The following CNBD1 variants were observed in gnomAD, a reference collection of about 807,000 sequenced individuals.
CNBD1 encodes the protein cyclic nucleotide binding domain containing 1.
Under a neutral mutation model 54.4 loss-of-function variants are expected in CNBD1, and 71 were observed. The observed-to-expected ratio is 1.30, with a 90% CI of 1.08 to 1.59. The LOEUF (loss-of-function observed/expected upper bound fraction) is 1.59, where lower values mean the gene tolerates loss of function less well. Ranked by LOEUF, CNBD1 falls within the 40% of genes most tolerant of loss-of-function variation. CNBD1 has a pLI of 0.00. For missense variants in CNBD1, 659 were observed against 518.0 expected (o/e 1.27, Z -2.64); for synonymous variants, 182 against 170.7 (o/e 1.07, Z -0.51).
intron 8 of CNBD1, among the ~76,000 whole-genome samples, chr8:87,337,352 G>A (rs988091419): frequency 6.6e-6 from 1 of 152,142 alleles, no homozygotes; most frequent in Non-Finnish European, 1.5e-5. Flanking sequence ...CCTCCAACTA[G>A]GTCCTCAGAC....
At chr8:87,315,726 G>A (rs1242279527) in intron 8 of CNBD1, among the ~76,000 whole-genome samples, 1 of 151,966 alleles carries the variant, frequency 6.6e-6, no homozygotes, top group Non-Finnish European at 1.5e-5. Context: ...ATAGCAGCTG[G>A]GAATGTAGGT....
chr8:87,282,149 A>T (rs936446051), intron 6 of CNBD1, among the ~76,000 whole-genome samples: 2 of 151,606 alleles, frequency 1.3e-5, no homozygotes, highest in African/African-American at 4.8e-5. Flanking sequence ...TATATAATTA[A>T]ATTTGTAATT....
chr8:87,377,376 C>G (rs1810971073), intron 10 of CNBD1, among the ~76,000 whole-genome samples: 1 of 149,290 alleles, frequency 6.7e-6, no homozygotes, highest in African/African-American at 2.5e-5. Flanking sequence ...TTGTTCAATT[C>G]CCACCTATGA....
rs1184406198 is a variant in CNBD1 at position 87,182,945 on chromosome 8, C to T, written c.432-23048C>T. On this transcript the variant is annotated intron_variant, in intron 4 of 10. Transcript: ENST00000518476. The surrounding 1 kb of genome is among the most constrained non-coding windows in gnomAD (Gnocchi z 4.1). ...ATGTATTTTTGTTTTGTTACAATTGCTTTTGGAGACTTTGACATGAAATTT... is the reference window on the plus strand; with the variant it reads ...ATGTATTTTTGTTTTGTTACAATTGTTTTTGGAGACTTTGACATGAAATTT... 1.3e-5 allele frequency among the ~76,000 whole-genome samples: 2 copies of T among 152,010 alleles called. No individual in the cohort carries two copies. Among genetic ancestry groups the T allele is most frequent in the Non-Finnish European group, 2.9e-5 (2 of 67,990 alleles).
At chr8:87,351,615 T>C (rs1810295989) in intron 8 of CNBD1, 70 bp from the exon 9 acceptor site, 1 of 1,344,372 alleles carries the variant, frequency 7.4e-7, no homozygotes, top group Non-Finnish European at 9.8e-7. Context: ...TTAACTTTTG[T>C]TGCTAAAATA....
intron 2 of CNBD1, among the ~76,000 whole-genome samples, chr8:87,397,177 C>A (rs2130974289): frequency 6.6e-6 from 1 of 151,774 alleles, no homozygotes; most frequent in African/African-American, 2.4e-5. Flanking sequence ...TTGGGTTATT[C>A]TTATGCCCTA....
At chr8:86,923,538 T>C (rs766825449) in intron 3 of CNBD1, among the ~76,000 whole-genome samples, 5 of 152,156 alleles carry the variant, frequency 3.3e-5, no homozygotes, top group Admixed American at 6.6e-5. Flanking sequence ...GACCCAGCTT[T>C]GGGAAATCAG....
intron 2 of CNBD1, among the ~76,000 whole-genome samples, chr8:87,391,274 A>G (rs1485006954): frequency 6.6e-6 from 1 of 152,002 alleles, no homozygotes; most frequent in African/African-American, 2.4e-5. Flanking sequence ...AAAAAAGATA[A>G]CGATTGCAGA....
At chr8:87,328,490 T>C (rs1809741697) in intron 8 of CNBD1, among the ~76,000 whole-genome samples, 1 of 152,018 alleles carries the variant, frequency 6.6e-6, no homozygotes, top group African/African-American at 2.4e-5. Context: ...TTTGTGCTAG[T>C]AACATACTGC....
rs1376398159 is a variant in CNBD1, at chr8:87,053,222, T to TTGA, written c.431+113469_431+113471dup. On this transcript the variant is annotated intron_variant, in intron 4 of 10. Transcript: ENST00000518476. The stretch of plus-strand genomic sequence containing the variant: ...AAAGAAAGCCAGTACATAGGGAACT[T>TTGA]TGAATCATTTGCCCTCCTGTCTGCA... Among the ~76,000 whole-genome samples, 6 of 152,302 alleles carry TTGA rather than the reference T, an allele frequency of 3.9e-5. No homozygotes were observed. The South Asian group carries it at 1.2e-3, about 32-fold the overall frequency.
rs375629040 is a variant in CNBD1 at position 86,977,449 on chromosome 8, CTGAT to C, written c.431+37697_431+37700del. Among the ~76,000 whole-genome samples the C allele has an allele frequency of 3.5e-3, 533 of 152,070 alleles. 2 individuals carry two copies. The highest frequency in any genetic ancestry group is 0.012 in the African/African-American group (515 of 41,532). Reference sequence around the variant, plus strand: ...TTCCAGTGATCTATCTTTGAGTTGACTGATTATTTCTTCTGCAACTGACAAACAT... The same window carrying C: ...TTCCAGTGATCTATCTTTGAGTTGACTATTTCTTCTGCAACTGACAAACAT... On this transcript the variant is annotated intron_variant, in intron 4 of 10. Transcript: ENST00000518476.
At chr8:87,271,729 A>G (rs1385534907) in intron 6 of CNBD1, among the ~76,000 whole-genome samples, 1 of 152,038 alleles carries the variant, frequency 6.6e-6, no homozygotes, top group Non-Finnish European at 1.5e-5. Context: ...TAAAACTAAC[A>G]TATGCTCCCG....
chr8:87,303,840 C>T (rs889142817), intron 8 of CNBD1, among the ~76,000 whole-genome samples: 1 of 152,172 alleles, frequency 6.6e-6, no homozygotes, highest in East Asian at 1.9e-4. Flanking sequence ...TATGAACAGA[C>T]ACTTCTCAAA....
intron 4 of CNBD1, among the ~76,000 whole-genome samples, chr8:87,037,124 A>G (rs1017796027): frequency 1.3e-5 from 2 of 152,346 alleles, no homozygotes; most frequent in South Asian, 2.1e-4. Context: ...ATAGAATTCT[A>G]GAGTTCAAAA....
chr8:86,884,174 AAC>A (rs1808647423), intron 1 of CNBD1, among the ~76,000 whole-genome samples: 1 of 149,094 alleles, frequency 6.7e-6, no homozygotes, highest in African/African-American at 2.6e-5. Context: ...AACAAAACAA[AAC>A]AAAAAAACCT....
intron 8 of CNBD1, among the ~76,000 whole-genome samples, chr8:87,331,792 T>C (rs1442931634): frequency 6.6e-6 from 1 of 152,238 alleles, no homozygotes; most frequent in East Asian, 1.9e-4. Context: ...GTGGTTTTGA[T>C]ATGCATTTCT....
chr8:87,305,061 C>T (rs1346102236), intron 8 of CNBD1, among the ~76,000 whole-genome samples: 3 of 152,128 alleles, frequency 2.0e-5, no homozygotes, highest in Non-Finnish European at 2.9e-5. Context: ...TCATAAGTTT[C>T]TGGGTACAAG....
In CNBD1 at chr8:87,139,701, G is replaced by T. The variant is rs772622834; in HGVS notation, c.432-66292G>T. On this transcript the variant is annotated intron_variant, in intron 4 of 10. Coordinates refer to ENST00000518476, the MANE Select transcript of CNBD1 (RefSeq NM_173538.3). ...CCATAAATGATAGCACAACCAAGCC[G>T]AAGGACCGGAAGAAATGGGTGGAAA... Among the ~76,000 whole-genome samples, 5 of 152,098 alleles carry T rather than the reference G, an allele frequency of 3.3e-5. 1 individual carries two copies. The highest frequency in any genetic ancestry group is 3.3e-4 in the Admixed American group (5 of 15,272).
At chr8:87,418,102 T>A (rs1230276488) in intron 2 of CNBD1, among the ~76,000 whole-genome samples, 1 of 151,946 alleles carries the variant, frequency 6.6e-6, no homozygotes, top group Non-Finnish European at 1.5e-5. Flanking sequence ...GTCAACCATC[T>A]TGAAAAAGAA....
Sources: allele counts gnomAD v4.1 joint callset (sites outside exome capture counted in the v4.1 genomes callset), GRCh38; gene constraint gnomAD v4.1.1; non-coding constraint Gnocchi (gnomAD v3.1); transcripts MANE v1.5; gene names NCBI Gene and HGNC (gene_info 2026-07-23, HGNC 2026-07-21).